Variants in SNTB1 observed in about 807,000 individuals in gnomAD.
The protein encoded by SNTB1 is beta-1-syntrophin.
SNTB1 carries 36 observed loss-of-function variants against 48.9 expected under a neutral mutation model. That is an observed-to-expected ratio of 0.74 (90% confidence interval 0.56 to 0.97). SNTB1 has a LOEUF of 0.97. Ranked by LOEUF, SNTB1 falls within the 50% of genes least tolerant of loss-of-function variation. The probability of loss-of-function intolerance (pLI) is 0.00; values close to 1 mark genes in which losing one functional copy is unlikely to be tolerated. For synonymous variants in SNTB1, 299 were observed against 294.6 expected (o/e 1.01, Z -0.15); for missense variants, 786 against 703.4 (o/e 1.12, Z -1.33).
intron 3 of SNTB1, among the ~76,000 whole-genome samples, chr8:120,597,393 T>C (rs1045163485): frequency 5.3e-5 from 8 of 152,220 alleles, no homozygotes; most frequent in African/African-American, 1.9e-4. Context: ...TAGCACAACA[T>C]CCCCCAGGGA....
At chr8:120,547,399 CA>C (rs1815401099) in intron 5 of SNTB1, among the ~76,000 whole-genome samples, 1 of 151,902 alleles carries the variant, frequency 6.6e-6, no homozygotes, top group African/African-American at 2.4e-5. Flanking sequence ...AGTTCGAGAC[CA>C]GCCTGGCCAA....
chr8:120,556,237 C>A (rs1404498983), intron 4 of SNTB1, among the ~76,000 whole-genome samples: 1 of 152,090 alleles, frequency 6.6e-6, no homozygotes, highest in South Asian at 2.1e-4. Context: ...GGAAGAGAGT[C>A]GGAACCCGCT....
rs1819726845 is a variant in SNTB1, at chr8:120,775,821, A to C, written c.571+35452T>G. Reference sequence around the variant, plus strand: ...AGCCCATGCCTAGGGAGTGGTGCAGAGGACCATGTAACAGGGTAAAGCACA... The same window carrying C: ...AGCCCATGCCTAGGGAGTGGTGCAGCGGACCATGTAACAGGGTAAAGCACA... On this transcript the variant is annotated intron_variant, in intron 1 of 6. Coordinates refer to ENST00000517992, the MANE Select transcript of SNTB1 (RefSeq NM_021021.4). Among the ~76,000 whole-genome samples, 2 of 152,168 alleles carry C rather than the reference A, an allele frequency of 1.3e-5. 1 individual carries two copies. The highest frequency in any genetic ancestry group is 2.9e-5 in the Non-Finnish European group (2 of 68,018).
intron 1 of SNTB1, among the ~76,000 whole-genome samples, chr8:120,806,480 A>C (rs1820339256): frequency 6.6e-6 from 1 of 152,192 alleles, no homozygotes; most frequent in Non-Finnish European, 1.5e-5. Flanking sequence ...TTTTGTTTTA[A>C]CAATTTATTT....
At chr8:120,574,491 A>G (rs1201492642) in intron 4 of SNTB1, among the ~76,000 whole-genome samples, 1 of 152,218 alleles carries the variant, frequency 6.6e-6, no homozygotes, top group African/African-American at 2.4e-5. Context: ...ATCAAATTGT[A>G]TACATTAAAT....
chr8:120,707,175 T>A (rs1818391889), intron 1 of SNTB1, among the ~76,000 whole-genome samples: 2 of 152,218 alleles, frequency 1.3e-5, no homozygotes, highest in African/African-American at 4.8e-5. Context: ...CCTTTTAGAA[T>A]CTGACTATGC....
intron 1 of SNTB1, among the ~76,000 whole-genome samples, chr8:120,778,411 A>G (rs1010932938): frequency 2.0e-5 from 3 of 152,242 alleles, no homozygotes; most frequent in African/African-American, 7.2e-5. Flanking sequence ...TGCATTTAGG[A>G]AGGCAATGAC....
intron 3 of SNTB1, 114 bp downstream of exon 3, chr8:120,632,330 C>T: frequency 1.0e-6 from 1 of 1,004,538 alleles, no homozygotes; most frequent in Non-Finnish European, 1.5e-6. Context: ...ATGAGAAATC[C>T]ACACAGACTG....
Position 120,789,205 on chromosome 8 carries a change from G to A in SNTB1, c.571+22068C>T, listed in dbSNP as rs149745852. Among the ~76,000 whole-genome samples the A allele has an allele frequency of 1.9e-3, 284 of 151,982 alleles. 1 individual carries two copies. Among genetic ancestry groups the A allele is most frequent in the African/African-American group, 5.9e-3 (246 of 41,492 alleles). ...ATTTTCTGAAATGAATGATCACAGT[G>A]AAACAAATGATCAAAACCTCTGGGA... On this transcript the variant is annotated intron_variant, in intron 1 of 6. Coordinates refer to ENST00000517992, the MANE Select transcript of SNTB1 (RefSeq NM_021021.4).
At chr8:120,660,113 A>G (rs1817566073) in intron 2 of SNTB1, among the ~76,000 whole-genome samples, 1 of 152,236 alleles carries the variant, frequency 6.6e-6, no homozygotes. Flanking sequence ...TAGGATATTT[A>G]GAATGGCAAA....
chr8:120,661,925 G>A (rs922959662), intron 2 of SNTB1, among the ~76,000 whole-genome samples: 2 of 152,162 alleles, frequency 1.3e-5, no homozygotes, highest in Non-Finnish European at 2.9e-5. Flanking sequence ...GTGTGCTGGA[G>A]GCAATTTTAA....
intron 1 of SNTB1, among the ~76,000 whole-genome samples, chr8:120,788,490 G>A (rs1819964807): frequency 6.6e-6 from 1 of 152,040 alleles, no homozygotes; most frequent in African/African-American, 2.4e-5. Context: ...GTCTTCAAGA[G>A]ATACAACTAA....
chr8:120,744,561 A>T (rs1383875835), intron 1 of SNTB1, among the ~76,000 whole-genome samples: 1 of 152,174 alleles, frequency 6.6e-6, no homozygotes, highest in Admixed American at 6.6e-5. Flanking sequence ...CAGTAAATAT[A>T]ATATATTGCT....
In SNTB1 at chr8:120,793,027, G is replaced by T. The variant is rs112383557; in HGVS notation, c.571+18246C>A. Among the ~76,000 whole-genome samples, 105 of 152,026 alleles carry T rather than the reference G, an allele frequency of 6.9e-4. 1 individual carries two copies. Among genetic ancestry groups the T allele is most frequent in the Middle Eastern group, 3.4e-3 (1 of 294 alleles). On this transcript the variant is annotated intron_variant, in intron 1 of 6. Coordinates refer to ENST00000517992, the MANE Select transcript of SNTB1 (RefSeq NM_021021.4). ...CTTTGTTAATACGTTTCTATCTCTG[G>T]AATCTACTTTAGGGCTCCATACTAA...
intron 2 of SNTB1, among the ~76,000 whole-genome samples, chr8:120,671,430 A>C (rs538078579): frequency 6.6e-6 from 1 of 152,266 alleles, no homozygotes; most frequent in Non-Finnish European, 1.5e-5. Flanking sequence ...TGATATACAC[A>C]TACAGAGAAG....
At chr8:120,769,323 A>G (rs1819579957) in intron 1 of SNTB1, 1 of 152,034 alleles carries the variant, frequency 6.6e-6, no homozygotes, top group Non-Finnish European at 1.5e-5. Flanking sequence ...CCTTTTCCAG[A>G]AGTATTAAGT....
intron 6 of SNTB1, among the ~76,000 whole-genome samples, chr8:120,540,486 C>G (rs1815268308): frequency 6.6e-6 from 1 of 152,168 alleles, no homozygotes. Flanking sequence ...AAGGATAAAG[C>G]AGGAGACTGA....
At chr8:120,556,681 C>T (rs4395927) in intron 4 of SNTB1, among the ~76,000 whole-genome samples, 64,989 of 151,992 alleles carry the variant, frequency 0.43, 15,581 homozygotes, top group Non-Finnish European at 0.56. Context: ...GATCCTTTCT[C>T]TTTTGTTATG....
chr8:120,747,144 G>A (rs944680300), intron 1 of SNTB1, among the ~76,000 whole-genome samples: 3 of 152,022 alleles, frequency 2.0e-5, no homozygotes, highest in Non-Finnish European at 4.4e-5. Context: ...GTTTAAATAG[G>A]CATACCCCAT....
Sources: gnomAD v4.1 joint callset for allele counts (sites outside exome capture counted in the v4.1 genomes callset) on GRCh38, gnomAD v4.1.1 for gene constraint, MANE v1.5 for transcripts, NCBI Gene and HGNC (gene_info 2026-07-23, HGNC 2026-07-21) for gene names.